MAF: variants seen among roughly 807,000 people sequenced by gnomAD.
MAF encodes the protein MAF bZIP transcription factor.
MAF carries 10 observed loss-of-function variants against 22.0 expected under a neutral mutation model. That is an observed-to-expected ratio of 0.45 (90% CI 0.28 to 0.77). MAF has a LOEUF of 0.77. Ranked by LOEUF, MAF falls within the 30% of genes least tolerant of loss-of-function variation. The pLI is 0.12. For synonymous variants in MAF, 337 were observed against 255.8 expected (o/e 1.32, Z -3.03); for missense variants, 544 against 548.4 (o/e 0.99, Z 0.08).
chr16:79,444,625 T>C, the MAF span, among the ~76,000 whole-genome samples: 14 of 152,318 alleles, frequency 9.2e-5, no homozygotes, highest in Non-Finnish European at 1.2e-4. Context: ...GGGCCAGTTT[T>C]AGCATCAGCA....
downstream of MAF, among the ~76,000 whole-genome samples, chr16:79,583,332 C>T (rs768170734): frequency 6.6e-6 from 1 of 152,154 alleles, no homozygotes; most frequent in Non-Finnish European, 1.5e-5. Context: ...TCAGGGTAAA[C>T]GATGTCCACT....
chr16:79,550,890 C>T, the MAF span, among the ~76,000 whole-genome samples: 1 of 152,166 alleles, frequency 6.6e-6, no homozygotes, highest in Admixed American at 6.5e-5. Flanking sequence ...CGAAATACCT[C>T]TCCAGACTGA....
the MAF span, among the ~76,000 whole-genome samples, chr16:79,304,664 A>T: frequency 6.6e-6 from 1 of 152,164 alleles, no homozygotes; most frequent in Non-Finnish European, 1.5e-5. Flanking sequence ...CTTAAACATC[A>T]AGCCAGACAA....
chr16:79,558,285 T>C, the MAF span, among the ~76,000 whole-genome samples: 1 of 151,776 alleles, frequency 6.6e-6, no homozygotes, highest in South Asian at 2.1e-4. Context: ...CTATGAACTA[T>C]AAAGAGAAAG....
chr16:79,470,972 T>C, the MAF span, among the ~76,000 whole-genome samples: 7 of 152,384 alleles, frequency 4.6e-5, no homozygotes, highest in African/African-American at 1.7e-4. Flanking sequence ...GCATGGAAGA[T>C]GGTAGCAATG....
the MAF span, among the ~76,000 whole-genome samples, chr16:79,442,220 G>A: frequency 3.7e-4 from 56 of 152,188 alleles, no homozygotes; most frequent in Non-Finnish European, 7.2e-4. Context: ...GGGGATGAAA[G>A]GTGTTTTGCT....
the MAF span, among the ~76,000 whole-genome samples, chr16:79,410,878 C>A: frequency 3.9e-5 from 6 of 152,126 alleles, no homozygotes; most frequent in African/African-American, 1.4e-4. Context: ...CCAGAGATAA[C>A]CCTTTGCATA....
the MAF span, among the ~76,000 whole-genome samples, chr16:79,254,808 C>A: frequency 1.4e-3 from 208 of 152,288 alleles, no homozygotes; most frequent in Non-Finnish European, 2.0e-3. Flanking sequence ...ACTCTACGCA[C>A]CAACCTTTTG....
the MAF span, among the ~76,000 whole-genome samples, chr16:79,366,728 G>C: frequency 6.6e-6 from 1 of 152,196 alleles, no homozygotes; most frequent in East Asian, 1.9e-4. Flanking sequence ...ATCAGTCTGG[G>C]TTCTGAAGTG....
At chr16:79,244,362 G>T in the MAF span, among the ~76,000 whole-genome samples, 1 of 152,158 alleles carries the variant, frequency 6.6e-6, no homozygotes, top group East Asian at 1.9e-4. Flanking sequence ...AGCAACTTCA[G>T]CAAAGTCTCA....
chr16:79,454,260 C>T, the MAF span, among the ~76,000 whole-genome samples: 1 of 152,116 alleles, frequency 6.6e-6, no homozygotes, highest in East Asian at 1.9e-4. Context: ...GCCCTCAGGG[C>T]CATTGTTCCC....
chr16:79,320,722 A>C, the MAF span, among the ~76,000 whole-genome samples: 2 of 152,238 alleles, frequency 1.3e-5, no homozygotes, highest in Non-Finnish European at 2.9e-5. Context: ...AGCTGTTGTG[A>C]ACATTAAATG....
chr16:79,560,837 C>G, the MAF span, among the ~76,000 whole-genome samples: 10 of 152,312 alleles, frequency 6.6e-5, no homozygotes, highest in African/African-American at 2.4e-4. Flanking sequence ...GTGAAGGACG[C>G]CCTTCAGTGA....
the MAF span, among the ~76,000 whole-genome samples, chr16:79,537,530 T>C: frequency 6.6e-6 from 1 of 152,338 alleles, no homozygotes; most frequent in East Asian, 1.9e-4. Context: ...CCTAGACTCA[T>C]GCCTATGTTC....
At chr16:79,343,250 A>G in the MAF span, among the ~76,000 whole-genome samples, 7 of 149,788 alleles carry the variant, frequency 4.7e-5, no homozygotes, top group Non-Finnish European at 1.0e-4. Flanking sequence ...CCCCCCCCAA[A>G]AAAATCTATG....
the MAF span, among the ~76,000 whole-genome samples, chr16:79,497,969 C>G: frequency 1.3e-5 from 2 of 152,182 alleles, no homozygotes; most frequent in Non-Finnish European, 2.9e-5. Flanking sequence ...AGACACCACT[C>G]TGAGAGTAAC....
At chr16:79,355,847 C>G in the MAF span, among the ~76,000 whole-genome samples, 6 of 151,972 alleles carry the variant, frequency 3.9e-5, no homozygotes, top group Non-Finnish European at 5.9e-5. Flanking sequence ...CTTCAGCATC[C>G]CTCTGTCAAT....
At chr16:79,480,865 C>T in the MAF span, among the ~76,000 whole-genome samples, 1 of 152,158 alleles carries the variant, frequency 6.6e-6, no homozygotes, top group South Asian at 2.1e-4. Context: ...TTGGATAGGA[C>T]CGTGGGACTG....
At chr16:79,211,212 C>T in the MAF span, among the ~76,000 whole-genome samples, 8 of 152,190 alleles carry the variant, frequency 5.3e-5, no homozygotes, top group East Asian at 5.8e-4. Context: ...GTTCTACAAA[C>T]GATTTGGTAT....
Sources: allele counts gnomAD v4.1 joint callset (sites outside exome capture counted in the v4.1 genomes callset), GRCh38; gene constraint gnomAD v4.1.1; transcripts MANE v1.5; gene names NCBI Gene and HGNC (gene_info 2026-07-23, HGNC 2026-07-21).